SORCS2: variants seen among roughly 807,000 people sequenced by gnomAD.
The protein encoded by SORCS2 is VPS10 domain-containing receptor SorCS2.
In SORCS2, 100 loss-of-function variants were observed where a neutral mutation model predicts 141.6. The ratio of observed to expected loss-of-function variants is 0.71; its 90% CI spans 0.60 to 0.83. SORCS2 has a LOEUF of 0.83. Ranked by LOEUF, SORCS2 falls within the 40% of genes least tolerant of loss-of-function variation. The pLI is 0.00. For missense variants in SORCS2, 1,646 were observed against 1,560.2 expected (o/e 1.05, Z -0.93); for synonymous variants, 789 against 676.9 (o/e 1.17, Z -2.57).
At chr4:7,407,770 T>A (rs1380775341) in intron 2 of SORCS2, among the ~76,000 whole-genome samples, 2 of 152,170 alleles carry the variant, frequency 1.3e-5, no homozygotes, top group Non-Finnish European at 2.9e-5. Flanking sequence ...TCTTACTATT[T>A]TTCTTTGTGG....
At chr4:7,541,408 G>A (rs888637269) in intron 3 of SORCS2, among the ~76,000 whole-genome samples, 5 of 152,232 alleles carry the variant, frequency 3.3e-5, no homozygotes, top group Non-Finnish European at 5.9e-5. Flanking sequence ...GATTCCCAGT[G>A]CTCTGTATGG....
In SORCS2 at chr4:7,231,753, G is replaced by C. The variant is rs116358091; in HGVS notation, c.480+38627G>C. ...GGGGTAAGATTTGGGAAGACTTCAT[G>C]ATGGAGGTGGCCTTTGCACTTTAGG... is the stretch of plus-strand genomic sequence containing the variant. On this transcript the variant is annotated intron_variant, in intron 1 of 26. Coordinates refer to ENST00000507866, the MANE Select transcript of SORCS2 (RefSeq NM_020777.3). 2.7e-3 allele frequency among the ~76,000 whole-genome samples: 409 copies of C among 152,340 alleles called. 1 individual carries two copies. The highest frequency in any genetic ancestry group is 9.5e-3 in the African/African-American group (393 of 41,578).
Position 7,208,811 on chromosome 4 carries a change from G to A in SORCS2, c.480+15685G>A, listed in dbSNP as rs548206501. ...CTGCCTCTGCCCCGGGCCCTGGTCCGAGTCTTCTGAGCACAGAGAGGGACT... is the reference window on the plus strand; with the variant it reads ...CTGCCTCTGCCCCGGGCCCTGGTCCAAGTCTTCTGAGCACAGAGAGGGACT... On this transcript the variant is annotated intron_variant, in intron 1 of 26. Coordinates refer to ENST00000507866, the MANE Select transcript of SORCS2 (RefSeq NM_020777.3). 1.6e-3 allele frequency among the ~76,000 whole-genome samples: 237 copies of A among 152,358 alleles called. 3 individuals are homozygous for A. The highest frequency in any genetic ancestry group is 0.014 in the Admixed American group (208 of 15,314).
chr4:7,690,592 G>A (rs1308056248), intron 11 of SORCS2, among the ~76,000 whole-genome samples: 1 of 151,886 alleles, frequency 6.6e-6, no homozygotes, highest in Non-Finnish European at 1.5e-5. Flanking sequence ...ATGGATAGGT[G>A]GATGGGTGAG....
chr4:7,201,413 C>T lies in SORCS2; in HGVS notation c.480+8287C>T, dbSNP rs79401028. On this transcript the variant is annotated intron_variant, in intron 1 of 26. Coordinates refer to ENST00000507866, the MANE Select transcript of SORCS2 (RefSeq NM_020777.3). The surrounding 1 kb of genome is among the most constrained non-coding windows in gnomAD (Gnocchi z 4.4). ...TTGCGTGAAGGTTCCTGAGAGTATT[C>T]TAAAGAGGTCATAAATTAGCCTCAT... Among the ~76,000 whole-genome samples, 978 of 152,354 alleles carry T rather than the reference C, an allele frequency of 6.4e-3. 11 individuals are homozygous for T. Among genetic ancestry groups the T allele is most frequent in the Non-Finnish European group, 8.9e-3 (605 of 68,036 alleles).
intron 9 of SORCS2, among the ~76,000 whole-genome samples, chr4:7,678,923 C>T (rs1449622082): frequency 1.3e-5 from 2 of 152,200 alleles, no homozygotes; most frequent in Non-Finnish European, 2.9e-5. Flanking sequence ...ACCTTCCTCA[C>T]AGGGTTGCTG....
intron 3 of SORCS2, among the ~76,000 whole-genome samples, chr4:7,611,036 C>G (rs1446741806): frequency 1.3e-5 from 2 of 152,196 alleles, no homozygotes; most frequent in Non-Finnish European, 2.9e-5. Flanking sequence ...CACTGCCCAT[C>G]TGGCACCACA....
intron 2 of SORCS2, among the ~76,000 whole-genome samples, chr4:7,438,017 C>G (rs758884873): frequency 9.9e-5 from 15 of 152,234 alleles, no homozygotes; most frequent in African/African-American, 3.6e-4. Flanking sequence ...CCAGGACATT[C>G]TCTCATAACC....
intron 2 of SORCS2, among the ~76,000 whole-genome samples, chr4:7,480,260 C>T (rs1222397534): frequency 2.6e-5 from 4 of 152,220 alleles, no homozygotes; most frequent in African/African-American, 9.6e-5. Flanking sequence ...TTTGGAGTGA[C>T]TGCAGCGTCT....
intron 3 of SORCS2, among the ~76,000 whole-genome samples, chr4:7,601,145 A>G (rs1415476476): frequency 6.6e-6 from 1 of 152,292 alleles, no homozygotes; most frequent in East Asian, 1.9e-4. Context: ...AAGTTTTAAT[A>G]GACTGCTTAA....
intron 3 of SORCS2, among the ~76,000 whole-genome samples, chr4:7,541,389 G>T (rs1373168812): frequency 6.6e-6 from 1 of 152,252 alleles, no homozygotes; most frequent in Non-Finnish European, 1.5e-5. Context: ...AATTTGGGCT[G>T]CCAGGGAGGA....
At chr4:7,596,265 T>C (rs1717270597) in intron 3 of SORCS2, among the ~76,000 whole-genome samples, 1 of 152,178 alleles carries the variant, frequency 6.6e-6, no homozygotes, top group South Asian at 2.1e-4. Flanking sequence ...TCCGGTGAGA[T>C]TCACAATGGC....
intron 2 of SORCS2, among the ~76,000 whole-genome samples, chr4:7,509,769 G>A (rs1382430179): frequency 2.0e-5 from 3 of 152,176 alleles, no homozygotes; most frequent in South Asian, 2.1e-4. Flanking sequence ...AGCCTCCACC[G>A]CCCACCGGGG....
intron 12 of SORCS2, 26 bp downstream of exon 12, chr4:7,697,300 A>AC (rs1724775136): frequency 6.4e-7 from 1 of 1,551,104 alleles, no homozygotes; most frequent in Non-Finnish European, 8.7e-7. Flanking sequence ...GGTGCCTGGT[A>AC]CCCCCCACCC....
intron 1 of SORCS2, among the ~76,000 whole-genome samples, chr4:7,371,249 C>T (rs1560226294): frequency 6.6e-6 from 1 of 152,156 alleles, no homozygotes; most frequent in African/African-American, 2.4e-5. Context: ...GGTCTGAGAG[C>T]ATCGGGCCCG....
intron 7 of SORCS2, among the ~76,000 whole-genome samples, 187 bp from the exon 8 acceptor site, chr4:7,666,937 C>T (rs1722540415): frequency 6.6e-6 from 1 of 151,970 alleles, no homozygotes; most frequent in Non-Finnish European, 1.5e-5. Context: ...GACAACTTCC[C>T]AGAGGAGGGG....
chr4:7,291,224 G>T (rs1432358098), intron 1 of SORCS2, among the ~76,000 whole-genome samples: 1 of 152,216 alleles, frequency 6.6e-6, no homozygotes, highest in African/African-American at 2.4e-5. Context: ...CACATAGCAG[G>T]TGAGAGGGAC....
At chr4:7,583,441 C>T (rs1266324121) in intron 3 of SORCS2, among the ~76,000 whole-genome samples, 1 of 152,160 alleles carries the variant, frequency 6.6e-6, no homozygotes, top group Non-Finnish European at 1.5e-5. Flanking sequence ...AAGTAGGCCT[C>T]CCACCCAGGT....
chr4:7,359,090 G>A (rs185000170), intron 1 of SORCS2, among the ~76,000 whole-genome samples: 6 of 152,370 alleles, frequency 3.9e-5, no homozygotes, highest in African/African-American at 1.4e-4. Context: ...GAGGTTAGGA[G>A]TTCAAGACCA....
Sources: allele counts gnomAD v4.1 joint callset (sites outside exome capture counted in the v4.1 genomes callset), GRCh38; gene constraint gnomAD v4.1.1; non-coding constraint Gnocchi (gnomAD v3.1); transcripts MANE v1.5; gene names NCBI Gene and HGNC (gene_info 2026-07-23, HGNC 2026-07-21).